Variants in CADM1 observed in about 807,000 individuals in gnomAD.
The protein encoded by CADM1 is cell adhesion molecule 1.
A neutral mutation model predicts 53.1 loss-of-function variants in CADM1; 15 were observed. The observed-to-expected ratio is 0.28, with a 90% CI of 0.19 to 0.44. CADM1 has a LOEUF of 0.44. CADM1 is among the 20% of genes least tolerant of loss of function. The pLI, the probability that CADM1 is intolerant of heterozygous loss-of-function variation, is 1.00. For synonymous variants in CADM1, 281 were observed against 243.0 expected (o/e 1.16, Z -1.45); for missense variants, 434 against 611.3 (o/e 0.71, Z 3.06).
At chr11:115,435,529 T>C (rs1948164123) in intron 1 of CADM1, among the ~76,000 whole-genome samples, 1 of 152,070 alleles carries the variant, frequency 6.6e-6, no homozygotes, top group Non-Finnish European at 1.5e-5. Flanking sequence ...GGTCAGGAGT[T>C]CGAGACCAGC....
chr11:115,268,443 G>A (rs1943206780), intron 1 of CADM1, among the ~76,000 whole-genome samples: 1 of 152,068 alleles, frequency 6.6e-6, no homozygotes, highest in East Asian at 1.9e-4. Flanking sequence ...ATCTCTATCT[G>A]CACTCTTCAG....
intron 2 of CADM1, among the ~76,000 whole-genome samples, chr11:115,239,650 G>A (rs960338180): frequency 3.3e-5 from 5 of 151,828 alleles, no homozygotes; most frequent in African/African-American, 4.8e-5. Context: ...AAGGGGACAA[G>A]CAGCTGGGAA....
chr11:115,309,145 A>G (rs1452137883), intron 1 of CADM1, among the ~76,000 whole-genome samples: 3 of 152,050 alleles, frequency 2.0e-5, no homozygotes, highest in Non-Finnish European at 4.4e-5. Flanking sequence ...CTACCCATTC[A>G]TTCTTCCAAG....
chr11:115,263,510 A>C (rs1943038098), intron 1 of CADM1, among the ~76,000 whole-genome samples: 2 of 152,142 alleles, frequency 1.3e-5, no homozygotes, highest in African/African-American at 4.8e-5. Context: ...TAACATTTTT[A>C]TTTCTTTCAC....
chr11:115,456,411 T>A (rs1948685389), intron 1 of CADM1, among the ~76,000 whole-genome samples: 2 of 152,168 alleles, frequency 1.3e-5, no homozygotes, highest in Admixed American at 1.3e-4. Context: ...AATTTTTTTT[T>A]AATTACAGTC....
chr11:115,494,386 T>G (rs1000742917), intron 1 of CADM1, among the ~76,000 whole-genome samples: 4 of 152,188 alleles, frequency 2.6e-5, no homozygotes, highest in African/African-American at 4.8e-5. Flanking sequence ...AAATGTCTTA[T>G]GGGTTAGCTA....
intron 5 of CADM1, among the ~76,000 whole-genome samples, chr11:115,220,209 T>C (rs374372565): frequency 6.6e-6 from 1 of 152,118 alleles, no homozygotes; most frequent in African/African-American, 2.4e-5. Flanking sequence ...AGAGGGCATA[T>C]TTTTCAGCAT....
intron 1 of CADM1, among the ~76,000 whole-genome samples, chr11:115,295,509 TATATATATA>T (rs1565349014): frequency 0.015 from 430 of 27,922 alleles, 7 homozygotes; most frequent in East Asian, 0.045. Context: ...AGATATTTTA[TATATATATA>T]TATATATATA....
At chr11:115,346,252 A>G (rs993451461) in intron 1 of CADM1, among the ~76,000 whole-genome samples, 1 of 152,204 alleles carries the variant, frequency 6.6e-6, no homozygotes, top group Non-Finnish European at 1.5e-5. Context: ...GCTTGTATTC[A>G]AAAGATACGT....
chr11:115,283,539 T>C (rs191556746), intron 1 of CADM1, among the ~76,000 whole-genome samples: 1 of 152,250 alleles, frequency 6.6e-6, no homozygotes, highest in African/African-American at 2.4e-5. Context: ...TTACTGAGTA[T>C]TTACCATCCA....
At chr11:115,343,235 G>A (rs567044390) in intron 1 of CADM1, among the ~76,000 whole-genome samples, 2 of 152,244 alleles carry the variant, frequency 1.3e-5, no homozygotes, top group East Asian at 3.9e-4. Flanking sequence ...AAAAGATGGA[G>A]TTAGAATTTG....
chr11:115,261,395 C>T (rs1942969979), intron 1 of CADM1, among the ~76,000 whole-genome samples: 1 of 152,002 alleles, frequency 6.6e-6, no homozygotes, highest in African/African-American at 2.4e-5. Context: ...TAACACAGGG[C>T]AATTTCATTC....
At chr11:115,286,741 A>C (rs1264345779) in intron 1 of CADM1, among the ~76,000 whole-genome samples, 1 of 152,164 alleles carries the variant, frequency 6.6e-6, no homozygotes, top group East Asian at 1.9e-4. Context: ...CCCCCAGTTA[A>C]GGAACAATTT....
intron 1 of CADM1, among the ~76,000 whole-genome samples, chr11:115,355,827 T>C (rs1003646262): frequency 1.1e-4 from 17 of 152,132 alleles, no homozygotes; most frequent in African/African-American, 3.9e-4. Flanking sequence ...GTAGGTTTTG[T>C]TTATTTTTGT....
intron 1 of CADM1, among the ~76,000 whole-genome samples, chr11:115,297,144 A>G (rs1291543578): frequency 2.0e-5 from 3 of 152,218 alleles, no homozygotes; most frequent in Non-Finnish European, 4.4e-5. Flanking sequence ...TGGATATGCA[A>G]TAGAAAATTA....
At position 115,205,676 on chromosome 11, in the gene CADM1, T is replaced by C. The variant is rs1940640544; in HGVS notation, c.1078+3898A>G. 4.0e-5 allele frequency among the ~76,000 whole-genome samples: 6 copies of C among 151,058 alleles called. No homozygotes were observed. In the South Asian group the frequency reaches 1.3e-3, roughly 32 times the overall value. Reference sequence around the variant, plus strand: ...AAACCACACGGACAATTTGACACAATAAAAAAAAGGAACAGGGGCTTGCCA... The same window carrying C: ...AAACCACACGGACAATTTGACACAACAAAAAAAAGGAACAGGGGCTTGCCA... On this transcript the variant is annotated intron_variant, in intron 8 of 11. Coordinates refer to ENST00000331581, the MANE Select transcript of CADM1 (RefSeq NM_001301043.2).
intron 1 of CADM1, among the ~76,000 whole-genome samples, chr11:115,386,187 T>C (rs192659072): frequency 5.3e-5 from 8 of 152,246 alleles, no homozygotes; most frequent in African/African-American, 1.9e-4. Context: ...AAACCCGTTG[T>C]AATTTTGAAA....
intron 1 of CADM1, among the ~76,000 whole-genome samples, chr11:115,321,333 A>G (rs1464604492): frequency 1.3e-5 from 2 of 152,180 alleles, no homozygotes; most frequent in Non-Finnish European, 2.9e-5. Context: ...TGGAGTAAAT[A>G]TGCTAGTGGT....
At chr11:115,294,990 G>T (rs1944012396) in intron 1 of CADM1, among the ~76,000 whole-genome samples, 1 of 152,120 alleles carries the variant, frequency 6.6e-6, no homozygotes. Flanking sequence ...AGTGAGCCGA[G>T]ATCACGCCAC....
Sources: allele counts gnomAD v4.1 joint callset (sites outside exome capture counted in the v4.1 genomes callset), GRCh38; gene constraint gnomAD v4.1.1; transcripts MANE v1.5; gene names NCBI Gene and HGNC (gene_info 2026-07-23, HGNC 2026-07-21).